DYNC1H1: variants seen among roughly 807,000 people sequenced by gnomAD.
DYNC1H1 encodes dynein cytoplasmic 1 heavy chain 1.
In DYNC1H1, 51 loss-of-function variants were observed where a neutral mutation model predicts 527.1. That is an observed-to-expected ratio of 0.10 (90% CI 0.08 to 0.12). The LOEUF (loss-of-function observed/expected upper bound fraction) is 0.12, where lower values mean the gene tolerates loss of function less well. DYNC1H1 is among the 10% of genes least tolerant of loss of function. The pLI, the probability that DYNC1H1 is intolerant of heterozygous loss-of-function variation, is 1.00. For synonymous variants in DYNC1H1, 2,189 were observed against 2,278.8 expected (o/e 0.96, Z 1.12); for missense variants, 2,771 against 5,971.8 (o/e 0.46, Z 17.66).
rs2048832584 is a variant in DYNC1H1, at chr14:102,053,093, A to G, written c.*2530A>G. ...GCATGCGCTGACTCTTCCTCCCGTC[A>G]CTGATGCTGGTTTTTGCAGGCTCTG... is the stretch of plus-strand genomic sequence containing the variant. On this transcript the variant is annotated 3_prime_UTR_variant, in exon 78 of 78. Transcript: ENST00000360184. 6.6e-6 allele frequency: 1 copy of G among 151,840 alleles called. No homozygotes were observed. The highest frequency in any genetic ancestry group is 1.5e-5 in the Non-Finnish European group (1 of 68,040). 9.4% of individuals were successfully genotyped at this position (151,840 alleles called of 1,614,324 possible). A position where few individuals can be genotyped will look rare whatever the true frequency, so the allele number is the denominator to read the frequency against.
Position 102,041,230 on chromosome 14 carries a change from A to C in DYNC1H1, c.11942-344A>C. On this transcript the variant is annotated intron_variant, in intron 64 of 77. Coordinates refer to ENST00000360184, the MANE Select transcript of DYNC1H1 (RefSeq NM_001376.5). The surrounding 1 kb of genome is among the most constrained non-coding windows in gnomAD (Gnocchi z 4.5). ...TGTTAGGCCAGACCCTGGGCTAGCC[A>C]GGCTGAGAGGAAGTGTCAGACTGTG... 2.5e-6 allele frequency: 1 copy of C among 394,428 alleles called. No homozygotes were observed. Among genetic ancestry groups the C allele is most frequent in the Admixed American group, 3.8e-5 (1 of 26,658 alleles). The allele number at this position is 394,428 out of a possible 1,614,324, so 24.4% of individuals were successfully genotyped here. A position where few individuals can be genotyped will look rare whatever the true frequency, so the allele number is the denominator to read the frequency against.
At chr14:102,021,253 T>C (rs938026750) in intron 42 of DYNC1H1, among the ~76,000 whole-genome samples, 10 of 152,094 alleles carry the variant, frequency 6.6e-5, no homozygotes, top group Non-Finnish European at 1.3e-4. Context: ...GACGTGTACC[T>C]GTAGTCCCAG....
chr14:101,997,400 T>G lies in DYNC1H1; in HGVS notation c.3804+126T>G. ...TAGTATTGAAGACTCTTTTCCTTTT[T>G]GTAGTTAAAAAAGCAGATGGAGATA... On this transcript the variant is annotated intron_variant, in intron 16 of 77. Coordinates refer to ENST00000360184, the MANE Select transcript of DYNC1H1 (RefSeq NM_001376.5). The surrounding 1 kb of genome is among the most constrained non-coding windows in gnomAD (Gnocchi z 4.8). 1 of 1,513,448 alleles carries G rather than the reference T, an allele frequency of 6.6e-7. No homozygotes were observed. The highest frequency in any genetic ancestry group is 1.4e-5 in the African/African-American group (1 of 72,430). The allele number at this position is 1,513,448 out of a possible 1,614,324, so 93.8% of individuals were successfully genotyped here.
rs749588152 is a variant in DYNC1H1 at position 102,007,120 on chromosome 14, T to C, written c.5817+12T>C. 16 of 1,613,504 alleles carry C rather than the reference T, an allele frequency of 9.9e-6. No homozygotes were observed. The African/African-American group carries it at 2.1e-4, about 22-fold the overall frequency. On this transcript the variant is annotated intron_variant, in intron 28 of 77. Transcript: ENST00000360184. ...CCTTTGATTTCCAGGTGAGACACTT[T>C]ATGGGATCCACCTAAAATGTAATGC...
intron 69 of DYNC1H1, 45 bp from the exon 70 acceptor site, chr14:102,043,830 G>A: frequency 6.2e-7 from 1 of 1,613,868 alleles, no homozygotes; most frequent in Non-Finnish European, 8.5e-7. Flanking sequence ...TCTTGGCGAA[G>A]TGCTGTTTTC....
chr14:102,002,439 A>G lies in DYNC1H1; in HGVS notation c.4543-98A>G. The G allele has an allele frequency of 4.7e-6, 7 of 1,482,810 alleles. No individual in the cohort carries two copies. The highest frequency in any genetic ancestry group is 6.6e-6 in the Non-Finnish European group (7 of 1,064,384). 91.9% of individuals were successfully genotyped at this position (1,482,810 alleles called of 1,614,324 possible). A position where few individuals can be genotyped will look rare whatever the true frequency, so the allele number is the denominator to read the frequency against. On this transcript the variant is annotated intron_variant, in intron 21 of 77. Coordinates refer to ENST00000360184, the MANE Select transcript of DYNC1H1 (RefSeq NM_001376.5). This position sits in a 1 kb window ranked among gnomAD's most constrained non-coding sequence, Gnocchi z 4.4. ...TGTTGTTTAAAATGTGAATCAGATT[A>G]CTTCATGAGATCCTGATCTGCGCTT... is the stretch of plus-strand genomic sequence containing the variant.
In DYNC1H1 at chr14:102,051,115, G is replaced by A. The variant is rs2048804166; in HGVS notation, c.*552G>A. On this transcript the variant is annotated 3_prime_UTR_variant, in exon 78 of 78. Transcript: ENST00000360184. The stretch of plus-strand genomic sequence containing the variant: ...CCCGTCTCTACAGGAAATTAAATCA[G>A]GTGTGGTGGTGCATGCCTGTAGTCC... The A allele has an allele frequency of 4.9e-6, 1 of 203,570 alleles. No individual in the cohort carries two copies. Among genetic ancestry groups the A allele is most frequent in the Admixed American group, 5.3e-5 (1 of 18,862 alleles). The allele number at this position is 203,570 out of a possible 1,614,324, so 12.6% of individuals were successfully genotyped here. A position where few individuals can be genotyped will look rare whatever the true frequency, so the allele number is the denominator to read the frequency against.
rs756469916 is a variant in DYNC1H1 at position 102,040,225 on chromosome 14, A to AC, written c.11691-8dup. On this transcript the variant is annotated splice_polypyrimidine_tract_variant and intron_variant, in intron 62 of 77. Coordinates refer to ENST00000360184, the MANE Select transcript of DYNC1H1 (RefSeq NM_001376.5). ...TGAGAGACCCTAGCTAACCTGTTGC[A>AC]CCCTTCGCAGGGAGCCCACCTACGA... is the stretch of plus-strand genomic sequence containing the variant. 6.2e-7 allele frequency: 1 copy of AC among 1,613,996 alleles called. No individual in the cohort carries two copies. Among genetic ancestry groups the AC allele is most frequent in the Admixed American group, 1.7e-5 (1 of 59,996 alleles).
intron 43 of DYNC1H1, among the ~76,000 whole-genome samples, chr14:102,026,225 C>A (rs2048449278): frequency 6.6e-6 from 1 of 152,076 alleles, no homozygotes; most frequent in Non-Finnish European, 1.5e-5. Flanking sequence ...ACAATAAGCA[C>A]CTCCCACCAC....
rs1354555277 is a variant in DYNC1H1 at position 102,048,560 on chromosome 14, A to C, written c.13263A>C (p.Ala4421=). The C allele has an allele frequency of 6.2e-7, 1 of 1,614,230 alleles. No homozygotes were observed. The highest frequency in any genetic ancestry group is 1.3e-5 in the African/African-American group (1 of 75,070). The stretch of plus-strand genomic sequence containing the variant: ...TTGAGAGAGAAGTGAAGATGGGCGC[A>C]AAGCTGCTTCAGGACGTTCGCCAGG... ...RFFEREVKMG[A]KLLQDVRQDL... Residue 4421 remains alanine (A), a synonymous_variant, in exon 74 of 78, where the codon GCA becomes GCC. Transcript: ENST00000360184.
In DYNC1H1 at chr14:102,047,615, A is replaced by G; in HGVS notation, c.13007-202A>G. The G allele has an allele frequency of 1.2e-5, 5 of 403,220 alleles. No homozygotes were observed. In the South Asian group the frequency reaches 1.3e-4, roughly 11 times the overall value. 25.0% of individuals were successfully genotyped at this position (403,220 alleles called of 1,614,324 possible). ...TATATATATACACATATATGTATAT[A>G]TACACGTGTGTGTGTGTGTGTGTGT... On this transcript the variant is annotated intron_variant, in intron 72 of 77. Coordinates refer to ENST00000360184, the MANE Select transcript of DYNC1H1 (RefSeq NM_001376.5).
rs2048046071 is a variant in DYNC1H1, at chr14:101,995,310, G to A, written c.3564+10G>A. The A allele has an allele frequency of 6.2e-7, 1 of 1,614,072 alleles. No homozygotes were observed. The highest frequency in any genetic ancestry group is 8.5e-7 in the Non-Finnish European group (1 of 1,180,010). ...TGAGAAGCAAGTTGAGGTGAGCTCT[G>A]TGCATATTTAAAAATTTTTGGCTGG... On this transcript the variant is annotated intron_variant, in intron 15 of 77. Coordinates refer to ENST00000360184, the MANE Select transcript of DYNC1H1 (RefSeq NM_001376.5).
Position 101,983,658 on chromosome 14 carries a change from G to A in DYNC1H1, c.1461+49G>A. On this transcript the variant is annotated intron_variant, in intron 7 of 77. Transcript: ENST00000360184. The surrounding 1 kb of genome is among the most constrained non-coding windows in gnomAD (Gnocchi z 5.3). ...TGTGTTTTGTTTTTGTTTTTGTTTT[G>A]TTTTTTGTTTGGTGTTTTTTTTTTG... 6.4e-7 allele frequency: 1 copy of A among 1,565,506 alleles called. No individual in the cohort carries two copies. The highest frequency in any genetic ancestry group is 8.7e-7 in the Non-Finnish European group (1 of 1,151,216).
rs1189606222 is a variant in DYNC1H1, at chr14:102,012,302, C to T, written c.6858-12C>T. The T allele has an allele frequency of 2.5e-6, 4 of 1,614,118 alleles. No homozygotes were observed. The highest frequency in any genetic ancestry group is 3.4e-6 in the Non-Finnish European group (4 of 1,180,020). On this transcript the variant is annotated splice_polypyrimidine_tract_variant and intron_variant, in intron 33 of 77. Coordinates refer to ENST00000360184, the MANE Select transcript of DYNC1H1 (RefSeq NM_001376.5). This position sits in a 1 kb window ranked among gnomAD's most constrained non-coding sequence, Gnocchi z 4.9. ...TTTAATCAGCAGCTATTTTAAAATC[C>T]TTCCCAACCAGGATCATCGACAGCG...
Position 102,041,793 on chromosome 14 carries a change from C to A in DYNC1H1, c.12102+59C>A, listed in dbSNP as rs1226633548. 1.2e-6 allele frequency: 2 copies of A among 1,611,002 alleles called. No homozygotes were observed. Among genetic ancestry groups the A allele is most frequent in the African/African-American group, 2.7e-5 (2 of 74,920 alleles). ...GACTCCATGCCCACCTCCCCAGCCACAGGTGGCAGCAGCCCTGGCATCTGC... is the reference window on the plus strand; with the variant it reads ...GACTCCATGCCCACCTCCCCAGCCAAAGGTGGCAGCAGCCCTGGCATCTGC... On this transcript the variant is annotated intron_variant, in intron 65 of 77. Coordinates refer to ENST00000360184, the MANE Select transcript of DYNC1H1 (RefSeq NM_001376.5). This position sits in a 1 kb window ranked among gnomAD's most constrained non-coding sequence, Gnocchi z 4.5.
Position 102,033,733 on chromosome 14 carries a change from G to A in DYNC1H1, c.10414-243G>A. 1 of 682,830 alleles carries A rather than the reference G, an allele frequency of 1.5e-6. No individual in the cohort carries two copies. Among genetic ancestry groups the A allele is most frequent in the Admixed American group, 2.4e-5 (1 of 41,118 alleles). The allele number at this position is 682,830 out of a possible 1,614,324, so 42.3% of individuals were successfully genotyped here. ...ATCCCCCACCAGCAGCTCCAGACCT[G>A]TTTGCTCTGCTGCCTGAGGGCCTCG... On this transcript the variant is annotated intron_variant, in intron 54 of 77. Transcript: ENST00000360184. This position sits in a 1 kb window ranked among gnomAD's most constrained non-coding sequence, Gnocchi z 5.6.
At chr14:102,006,239 T>G (rs1405390522) in intron 27 of DYNC1H1, 69 bp downstream of exon 27, 4 of 1,593,804 alleles carry the variant, frequency 2.5e-6, no homozygotes, top group Non-Finnish European at 3.4e-6. Flanking sequence ...AGCTAATGAT[T>G]TGAATGTACT....
chr14:102,043,005 G>A, intron 69 of DYNC1H1: 4 of 508,456 alleles, frequency 7.9e-6, no homozygotes, highest in South Asian at 7.8e-5. Flanking sequence ...GGGCAGGCCA[G>A]GAGTGGTGGC....
At chr14:102,035,375 T>C (rs1008328673) in intron 56 of DYNC1H1, 1 of 151,944 alleles carries the variant, frequency 6.6e-6, no homozygotes, top group African/African-American at 2.4e-5. Context: ...GAATAAGAAA[T>C]GGGATGTAAC....
Sources: allele counts gnomAD v4.1 joint callset (sites outside exome capture counted in the v4.1 genomes callset), GRCh38; gene constraint gnomAD v4.1.1; non-coding constraint Gnocchi (gnomAD v3.1); transcripts MANE v1.5; gene names NCBI Gene and HGNC (gene_info 2026-07-23, HGNC 2026-07-21).